Variants in P2RX5 observed in about 807,000 individuals in gnomAD.
The protein encoded by P2RX5 is P2X purinoceptor 5.
P2RX5 carries 46 observed loss-of-function variants against 54.1 expected under a neutral mutation model. The observed-to-expected ratio is 0.85, with a 90% CI of 0.67 to 1.09. The LOEUF (loss-of-function observed/expected upper bound fraction) is 1.09, where lower values mean the gene tolerates loss of function less well. Ranked by LOEUF, P2RX5 falls within the 50% of genes least tolerant of loss-of-function variation. The pLI, the probability that P2RX5 is intolerant of heterozygous loss-of-function variation, is 0.00. For missense variants in P2RX5, 566 were observed against 549.8 expected (o/e 1.03, Z -0.29); for synonymous variants, 226 against 226.4 (o/e 1.00, Z 0.02).
chr17:3,702,318 TG>T, the P2RX5 span, among the ~76,000 whole-genome samples: 1 of 146,448 alleles, frequency 6.8e-6, no homozygotes, highest in East Asian at 2.0e-4. Flanking sequence ...AGCTAAAGAT[TG>T]TAAACGCACC....
At position 3,684,220 on chromosome 17, in the gene P2RX5, G is replaced by T. The variant is rs548834595; in HGVS notation, c.982-2242C>A. On this transcript the variant is annotated intron_variant, in intron 9 of 11. Transcript: ENST00000225328. ...TGCCTCTCAGCCTTTCAGTCGGGTGGTTCTCAGCCAGCTGGGATTTTGCTC... is the reference window on the plus strand; with the variant it reads ...TGCCTCTCAGCCTTTCAGTCGGGTGTTTCTCAGCCAGCTGGGATTTTGCTC... Among the ~76,000 whole-genome samples, 38 of 152,368 alleles carry T rather than the reference G, an allele frequency of 2.5e-4. No homozygotes were observed. The South Asian group carries it at 7.5e-3, about 30-fold the overall frequency.
At chr17:3,688,540 G>T in intron 8 of P2RX5, 86 bp downstream of exon 8, 1 of 1,452,224 alleles carries the variant, frequency 6.9e-7, no homozygotes, top group Non-Finnish European at 9.7e-7. Context: ...CCACCCCCAG[G>T]AAGGGGCCTC....
intron 9 of P2RX5, among the ~76,000 whole-genome samples, chr17:3,683,260 C>T (rs879344749): frequency 1.3e-5 from 2 of 152,098 alleles, no homozygotes; most frequent in Non-Finnish European, 2.9e-5. Context: ...GAATCTTGGT[C>T]CCCTGACCCT....
chr17:3,699,917 G>GGAAGGAAGGAAAGAAAGAAA (rs1555571319), upstream of P2RX5, among the ~76,000 whole-genome samples: 1 of 75,512 alleles, frequency 1.3e-5, no homozygotes, highest in African/African-American at 4.6e-5. Context: ...AAGGAAGGAA[G>GGAAGGAAGGAAAGAAAGAAA]GAAAGAAAGA....
chr17:3,675,589 T>C (rs1374652871), intron 11 of P2RX5: 2 of 976,882 alleles, frequency 2.0e-6, no homozygotes, highest in Non-Finnish European at 2.4e-6. Context: ...AGTCTCACTG[T>C]CGCCCAGGCC....
Position 3,691,676 on chromosome 17 carries a change from A to G in P2RX5, c.256T>C (p.Trp86Arg), listed in dbSNP as rs1250711105. ...GGAATGACGTAGTCGGCGACATCCC[A>G]GATCCGCTGCCCAAGATCCGAGGTG... ...TNTSDLGQRI[W>R]DVADYVIPAQ... Residue 86 changes from tryptophan (W) to arginine (R), a missense_variant, in exon 2 of 12, where the codon TGG (tryptophan) becomes CGG (arginine). Transcript: ENST00000225328. 1 of 1,614,220 alleles carries G rather than the reference A, an allele frequency of 6.2e-7. No individual in the cohort carries two copies. Among genetic ancestry groups the G allele is most frequent in the African/African-American group, 1.3e-5 (1 of 75,072 alleles).
At chr17:3,716,581 G>A in the P2RX5 span, 15 of 689,886 alleles carry the variant, frequency 2.2e-5, no homozygotes, top group Non-Finnish European at 3.1e-5. Flanking sequence ...AAGTGGCCAC[G>A]AGGCCAGGGC....
the P2RX5 span, among the ~76,000 whole-genome samples, chr17:3,718,693 T>A: frequency 2.0e-5 from 3 of 152,286 alleles, no homozygotes; most frequent in South Asian, 2.1e-4. Flanking sequence ...TATCAGTAAG[T>A]AAGAGGGGGA....
chr17:3,701,372 C>T, the P2RX5 span, among the ~76,000 whole-genome samples: 1 of 152,064 alleles, frequency 6.6e-6, no homozygotes, highest in African/African-American at 2.4e-5. Flanking sequence ...TTTAAGGTAC[C>T]TGCAGTGAAG....
At chr17:3,716,083 G>C in the P2RX5 span, among the ~76,000 whole-genome samples, 1 of 151,944 alleles carries the variant, frequency 6.6e-6, no homozygotes, top group African/African-American at 2.4e-5. Flanking sequence ...CTTGAACCCG[G>C]GGTCAGGGTG....
chr17:3,689,923 C>T, intron 6 of P2RX5, 147 bp downstream of exon 6: 1 of 852,884 alleles, frequency 1.2e-6, no homozygotes, highest in Non-Finnish European at 2.0e-6. Context: ...GACACATGCA[C>T]GCGCACACAC....
the P2RX5 span, chr17:3,714,591 C>A: frequency 3.0e-6 from 1 of 338,730 alleles, no homozygotes. Flanking sequence ...TACTGCAAAT[C>A]CTAAGTAATA....
the P2RX5 span, chr17:3,720,437 CAT>C: frequency 1.0e-6 from 1 of 964,166 alleles, no homozygotes; most frequent in Non-Finnish European, 1.7e-6. Flanking sequence ...GGAAACAAAA[CAT>C]ATTTTAGACA....
At chr17:3,701,703 A>ATT in the P2RX5 span, among the ~76,000 whole-genome samples, 13 of 94,566 alleles carry the variant, frequency 1.4e-4, no homozygotes, top group South Asian at 1.6e-3. Flanking sequence ...TCAGAAAAAA[A>ATT]AAAAAAAAAA....
chr17:3,690,778 C>A, intron 3 of P2RX5, 98 bp from the exon 4 acceptor site: 3 of 1,312,324 alleles, frequency 2.3e-6, no homozygotes, highest in East Asian at 2.4e-5. Flanking sequence ...TTCGGCCTGG[C>A]CCACACACAC....
chr17:3,689,336 C>T (rs2050536508), intron 7 of P2RX5, among the ~76,000 whole-genome samples, 156 bp downstream of exon 7: 1 of 151,550 alleles, frequency 6.6e-6, no homozygotes, highest in Non-Finnish European at 1.5e-5. Context: ...TGCCTGTGTG[C>T]CACAGCCAGT....
the P2RX5 span, chr17:3,721,857 C>A: frequency 6.6e-6 from 1 of 151,744 alleles, no homozygotes; most frequent in Non-Finnish European, 1.5e-5. Flanking sequence ...ACCAGCCTGA[C>A]CAACACGATG....
chr17:3,680,746 C>T (rs2050247951), intron 10 of P2RX5, among the ~76,000 whole-genome samples: 1 of 111,100 alleles, frequency 9.0e-6, no homozygotes, highest in African/African-American at 3.4e-5. Flanking sequence ...CGTCCTCCAC[C>T]CAGCGTCCTC....
chr17:3,692,248 C>G (rs1054122080), intron 1 of P2RX5, among the ~76,000 whole-genome samples: 20 of 151,784 alleles, frequency 1.3e-4, no homozygotes, highest in African/African-American at 4.6e-4. Flanking sequence ...ACCCGGGAGG[C>G]AGAGCTTGCA....
Sources: gnomAD v4.1 joint callset for allele counts (sites outside exome capture counted in the v4.1 genomes callset) on GRCh38, gnomAD v4.1.1 for gene constraint, MANE v1.5 for transcripts, NCBI Gene and HGNC (gene_info 2026-07-23, HGNC 2026-07-21) for gene names.